The following PPP1R16B variants were observed in gnomAD, a reference collection of about 807,000 sequenced individuals.
The protein encoded by PPP1R16B is protein phosphatase 1 regulatory subunit 16B.
Under a neutral mutation model 61.7 loss-of-function variants are expected in PPP1R16B, and 14 were observed. The observed-to-expected ratio is 0.23, with a 90% CI of 0.15 to 0.35. PPP1R16B has a LOEUF of 0.35. Ranked by LOEUF, PPP1R16B falls within the 10% of genes least tolerant of loss-of-function variation. PPP1R16B has a pLI of 1.00. For synonymous variants in PPP1R16B, 266 were observed against 305.3 expected, an observed-to-expected ratio of 0.87 and a Z score of 1.34; for missense variants, 547 against 752.5, an observed-to-expected ratio of 0.73 and a Z score of 3.19.
At position 38,836,096 on chromosome 20, in the gene PPP1R16B, G is replaced by A. The variant is rs142561041; in HGVS notation, c.171G>A (p.Thr57=). The change falls in exon 2 of 11, where the codon ACG becomes ACA. Residue 57 remains threonine, a synonymous_variant. Coordinates refer to ENST00000299824, the MANE Select transcript of PPP1R16B (RefSeq NM_015568.4). ...RKRKHERKRS[T]GGRRKKVSFE... Reference sequence around the variant, plus strand: ...GAAAGCATGAGCGGAAGCGCAGCACGGGCGGCCGCCGCAAGAAAGTGTCCT... The same window carrying A: ...GAAAGCATGAGCGGAAGCGCAGCACAGGCGGCCGCCGCAAGAAAGTGTCCT... 1.8e-4 allele frequency: 289 copies of A among 1,611,966 alleles called. 3 individuals are homozygous for A. In the African/African-American group the frequency reaches 3.3e-3, roughly 18 times the overall value.
intron 2 of PPP1R16B, among the ~76,000 whole-genome samples, chr20:38,865,961 T>C (rs1254524580): frequency 6.6e-6 from 1 of 151,858 alleles, no homozygotes; most frequent in Non-Finnish European, 1.5e-5. Flanking sequence ...CTGTCTCTAC[T>C]AAAAATACAA....
At chr20:38,904,561 CCAG>C (rs2085424186) in intron 6 of PPP1R16B, among the ~76,000 whole-genome samples, 1 of 152,184 alleles carries the variant, frequency 6.6e-6, no homozygotes, top group African/African-American at 2.4e-5. Flanking sequence ...GTCGGACTGG[CCAG>C]CAGGTGTCAT....
At chr20:38,833,298 G>T (rs768207146) in intron 1 of PPP1R16B, among the ~76,000 whole-genome samples, 6 of 152,250 alleles carry the variant, frequency 3.9e-5, no homozygotes, top group African/African-American at 9.6e-5. Flanking sequence ...CCAAGGCAGG[G>T]ACAGGAGTGG....
intron 1 of PPP1R16B, among the ~76,000 whole-genome samples, chr20:38,826,591 C>T (rs2084806782): frequency 6.6e-6 from 1 of 152,222 alleles, no homozygotes; most frequent in Non-Finnish European, 1.5e-5. Context: ...GCGGCTTCAC[C>T]CTGACAGGCA....
chr20:38,835,534 G>A (rs2084863726), intron 1 of PPP1R16B, among the ~76,000 whole-genome samples: 1 of 152,228 alleles, frequency 6.6e-6, no homozygotes, highest in Admixed American at 6.5e-5. Context: ...TGAAGCATGT[G>A]GCGATTGTGC....
At chr20:38,820,461 G>A (rs1483185059) in intron 1 of PPP1R16B, among the ~76,000 whole-genome samples, 1 of 152,100 alleles carries the variant, frequency 6.6e-6, no homozygotes, top group Non-Finnish European at 1.5e-5. Context: ...AGGAGGCTGA[G>A]GCAGGAGAAT....
At position 38,880,879 on chromosome 20, in the gene PPP1R16B, G is replaced by A. The variant is rs572123829; in HGVS notation, c.251-8716G>A. ...TGGTAATGCTGTTTAACTTTTTAAGGACCTGTCAGTCTGTTTTCCACAGTG... is the reference window on the plus strand; with the variant it reads ...TGGTAATGCTGTTTAACTTTTTAAGAACCTGTCAGTCTGTTTTCCACAGTG... On this transcript the variant is annotated intron_variant, in intron 2 of 10. Transcript: ENST00000299824. Among the ~76,000 whole-genome samples, 4 of 152,232 alleles carry A rather than the reference G, an allele frequency of 2.6e-5. No individual in the cohort carries two copies. The East Asian group carries it at 7.7e-4, about 29-fold the overall frequency.
chr20:38,899,122 C>T (rs572222265), intron 4 of PPP1R16B, among the ~76,000 whole-genome samples: 5 of 152,208 alleles, frequency 3.3e-5, no homozygotes, highest in African/African-American at 1.2e-4. Flanking sequence ...CGTTGGCTCC[C>T]GGGGGGATGG....
At chr20:38,820,098 G>A (rs969500612) in intron 1 of PPP1R16B, among the ~76,000 whole-genome samples, 8 of 152,146 alleles carry the variant, frequency 5.3e-5, no homozygotes, top group Non-Finnish European at 1.0e-4. Flanking sequence ...ATATTGTTGA[G>A]TGTAATTGTA....
At chr20:38,840,606 T>C (rs1277333464) in intron 2 of PPP1R16B, among the ~76,000 whole-genome samples, 1 of 152,236 alleles carries the variant, frequency 6.6e-6, no homozygotes, top group Non-Finnish European at 1.5e-5. Flanking sequence ...CCCTCAGCTT[T>C]GAGTCCAGCG....
At chr20:38,855,907 C>CATATATATATATATATAT (rs371138532) in intron 2 of PPP1R16B, among the ~76,000 whole-genome samples, 3 of 17,790 alleles carry the variant, frequency 1.7e-4, no homozygotes, top group African/African-American at 2.8e-4. Flanking sequence ...CAGTTTCCTA[C>CATATATATATATATATAT]ATATATATAT....
intron 2 of PPP1R16B, among the ~76,000 whole-genome samples, chr20:38,862,213 G>T (rs559164608): frequency 6.6e-6 from 1 of 152,358 alleles, no homozygotes; most frequent in African/African-American, 2.4e-5. Context: ...AATGCCAGGT[G>T]ACCAGTGACC....
intron 2 of PPP1R16B, among the ~76,000 whole-genome samples, chr20:38,852,768 T>TTTTGTTTGTG (rs1601257219): frequency 1.6e-5 from 1 of 62,336 alleles, no homozygotes; most frequent in Non-Finnish European, 3.0e-5. Context: ...TTTTTTTTTT[T>TTTTGTTTGTG]GCGGGGGGTG....
intron 1 of PPP1R16B, among the ~76,000 whole-genome samples, chr20:38,814,904 G>C (rs2084725621): frequency 1.3e-5 from 2 of 152,206 alleles, no homozygotes; most frequent in South Asian, 4.1e-4. Context: ...GACTTTCTCT[G>C]TCTCCTGTTT....
intron 4 of PPP1R16B, 122 bp from the exon 5 acceptor site, chr20:38,900,459 T>A (rs756244521): frequency 4.2e-5 from 28 of 674,090 alleles, no homozygotes; most frequent in Non-Finnish European, 6.8e-5. Flanking sequence ...GGGGTACACC[T>A]TGGTGGGGTT....
chr20:38,851,706 T>A (rs1320390912), intron 2 of PPP1R16B, among the ~76,000 whole-genome samples: 1 of 151,994 alleles, frequency 6.6e-6, no homozygotes. Flanking sequence ...TTAACATGCT[T>A]AACAATGGAT....
intron 2 of PPP1R16B, among the ~76,000 whole-genome samples, chr20:38,880,277 GC>G (rs561275601): frequency 8.6e-4 from 131 of 152,352 alleles, no homozygotes; most frequent in African/African-American, 3.0e-3. Context: ...GCCTGGCCCA[GC>G]CTGGGAGACC....
intron 2 of PPP1R16B, among the ~76,000 whole-genome samples, chr20:38,884,100 T>C (rs1378974952): frequency 2.6e-5 from 4 of 152,204 alleles, no homozygotes; most frequent in Admixed American, 6.5e-5. Flanking sequence ...TTTCTCGTCT[T>C]TGTGCTCCCT....
At chr20:38,888,217 C>T (rs1202732050) in intron 2 of PPP1R16B, among the ~76,000 whole-genome samples, 1 of 152,206 alleles carries the variant, frequency 6.6e-6, no homozygotes, top group East Asian at 1.9e-4. Context: ...TCACAGGGAG[C>T]TAGACTTGGC....
Sources: allele counts gnomAD v4.1 joint callset (sites outside exome capture counted in the v4.1 genomes callset), GRCh38; gene constraint gnomAD v4.1.1; transcripts MANE v1.5; gene names NCBI Gene and HGNC (gene_info 2026-07-23, HGNC 2026-07-21).